Variants in ANXA1 observed in about 807,000 individuals in gnomAD.
ANXA1 encodes annexin I (lipocortin I).
In ANXA1, 39 loss-of-function variants were observed where a neutral mutation model predicts 47.9. That is an observed-to-expected ratio of 0.81 (90% CI 0.63 to 1.06). The LOEUF is 1.06. Ranked by LOEUF, ANXA1 falls within the 50% of genes least tolerant of loss-of-function variation. The probability of loss-of-function intolerance (pLI) is 0.00; values close to 1 mark genes in which losing one functional copy is unlikely to be tolerated. For missense variants in ANXA1, 446 were observed against 422.7 expected, an observed-to-expected ratio of 1.06 and a Z score of -0.48; for synonymous variants, 146 against 142.5, an observed-to-expected ratio of 1.02 and a Z score of -0.17.
In ANXA1 at chr9:73,168,941, G is replaced by A. The variant is rs530479881; in HGVS notation, c.862-91G>A. On this transcript the variant is annotated intron_variant, in intron 11 of 12. Transcript: ENST00000257497. ...GCTAGTTTCTCTATAGAAATTATAT[G>A]GAAGAGTAAGAAGGCTTCACTTTAA... 3.5e-6 allele frequency: 4 copies of A among 1,128,840 alleles called. No individual in the cohort carries two copies. In the East Asian group the frequency reaches 8.3e-5, roughly 23 times the overall value. The allele number at this position is 1,128,840 out of a possible 1,614,324, so 69.9% of individuals were successfully genotyped here.
At chr9:73,155,202 A>T (rs1269790280) in intron 1 of ANXA1, among the ~76,000 whole-genome samples, 4 of 152,234 alleles carry the variant, frequency 2.6e-5, no homozygotes, top group Non-Finnish European at 5.9e-5. Context: ...AGATTTGCCT[A>T]TGTATAAATG....
In ANXA1 at chr9:73,156,440, C is replaced by T. The variant is rs183947536; in HGVS notation, c.-14-2082C>T. On this transcript the variant is annotated intron_variant, in intron 1 of 12. Coordinates refer to ENST00000257497, the MANE Select transcript of ANXA1 (RefSeq NM_000700.3). ...GGAACTAAAACCTTGTGCAAAATTG[C>T]GGGTTGTTACTTTATCAGGAAGCAA... 1.3e-3 allele frequency among the ~76,000 whole-genome samples: 197 copies of T among 152,090 alleles called. 1 individual carries two copies. Among genetic ancestry groups the T allele is most frequent in the African/African-American group, 4.6e-3 (189 of 41,502 alleles).
At position 73,166,091 on chromosome 9, in the gene ANXA1, A is replaced by G; in HGVS notation, c.707-6A>G. On this transcript the variant is annotated splice_polypyrimidine_tract_variant and splice_region_variant and intron_variant, in intron 9 of 12. Transcript: ENST00000257497. ...GCATGTATCTTAGTTTGAATTTAAT[A>G]TTCAGTGTTTCAGAAATACACCAAG... The G allele has an allele frequency of 6.3e-7, 1 of 1,594,438 alleles. No individual in the cohort carries two copies. The highest frequency in any genetic ancestry group is 8.6e-7 in the Non-Finnish European group (1 of 1,169,456).
chr9:73,164,175 G>A (rs1228947408), intron 8 of ANXA1, among the ~76,000 whole-genome samples: 1 of 152,046 alleles, frequency 6.6e-6, no homozygotes, highest in Non-Finnish European at 1.5e-5. Context: ...GTATTCTCTA[G>A]AGAATTCATT....
At chr9:73,163,590 A>G in intron 8 of ANXA1, 58 bp downstream of exon 8, 1 of 1,561,200 alleles carries the variant, frequency 6.4e-7, no homozygotes, top group South Asian at 1.1e-5. Context: ...AAGTGGGGCT[A>G]CCACATGATC....
At chr9:73,157,231 T>G (rs1172149030) in intron 1 of ANXA1, among the ~76,000 whole-genome samples, 2 of 152,200 alleles carry the variant, frequency 1.3e-5, no homozygotes, top group Non-Finnish European at 2.9e-5. Flanking sequence ...TGCTGAGTAC[T>G]TTTATATCAA....
At chr9:73,160,207 T>C in intron 4 of ANXA1, 56 bp from the exon 5 acceptor site, 1 of 1,305,240 alleles carries the variant, frequency 7.7e-7, no homozygotes, top group Non-Finnish European at 1.1e-6. Flanking sequence ...ATATCACATT[T>C]TTTAACCTAG....
At chr9:73,167,812 G>A (rs1337196985) in intron 11 of ANXA1, 5 of 389,742 alleles carry the variant, frequency 1.3e-5, no homozygotes, top group Non-Finnish European at 2.3e-5. Flanking sequence ...CTTAAAACAT[G>A]TGTCACCACG....
intron 9 of ANXA1, chr9:73,165,678 G>A (rs956675901): frequency 1.2e-5 from 2 of 166,104 alleles, no homozygotes; most frequent in East Asian, 1.8e-4. Flanking sequence ...AAGTGAAGGC[G>A]ATGGAAAAGT....
At chr9:73,161,703 A>C (rs1824145775) in intron 6 of ANXA1, among the ~76,000 whole-genome samples, 4 of 152,172 alleles carry the variant, frequency 2.6e-5, no homozygotes, top group Admixed American at 2.6e-4. Flanking sequence ...GAAGCTTTTA[A>C]ACCTCATTTT....
At chr9:73,152,033 A>G (rs1293153616) in intron 1 of ANXA1, 109 bp downstream of exon 1, 1 of 152,234 alleles carries the variant, frequency 6.6e-6, no homozygotes, top group Non-Finnish European at 1.5e-5. Flanking sequence ...TGCATTTAAC[A>G]TGATAAGTCA....
At chr9:73,168,906 TG>T in intron 11 of ANXA1, 125 bp from the exon 12 acceptor site, 1 of 712,602 alleles carries the variant, frequency 1.4e-6, no homozygotes. Context: ...TGTGTGTGTG[TG>T]TGTGTATAGC....
chr9:73,158,700 T>TG lies in ANXA1; in HGVS notation c.73dup (p.Val25GlyfsTer29). 1 of 1,613,862 alleles carries TG rather than the reference T, an allele frequency of 6.2e-7. No homozygotes were observed. Among genetic ancestry groups the TG allele is most frequent in the Non-Finnish European group, 8.5e-7 (1 of 1,179,826 alleles). ...TATTTCTCTCTCATTCTTAGCAAAC[T>TG]GTGAAGTCATCCAAAGGTGGTCCCG... On this transcript the variant is annotated frameshift_variant, in exon 3 of 13. Coordinates refer to ENST00000257497, the MANE Select transcript of ANXA1 (RefSeq NM_000700.3). LOFTEE classifies it high-confidence loss of function.
At chr9:73,157,865 A>G (rs892535626) in intron 1 of ANXA1, 3 of 152,164 alleles carry the variant, frequency 2.0e-5, no homozygotes, top group African/African-American at 7.2e-5. Context: ...AAAAAAACAA[A>G]CAAACAAAAA....
intron 1 of ANXA1, 54 bp from the exon 2 acceptor site, chr9:73,158,468 A>G: frequency 7.5e-7 from 1 of 1,338,302 alleles, no homozygotes; most frequent in Non-Finnish European, 1.1e-6. Flanking sequence ...GAGGAAGGAG[A>G]GGTTGTGTGT....
In ANXA1 at chr9:73,170,182, A is replaced by G; in HGVS notation, c.*75A>G. The stretch of plus-strand genomic sequence containing the variant: ...TTTTCATCCTATAAGCTTAAATAGG[A>G]AAGTTTCTTCAACAGGATTACAGTG... On this transcript the variant is annotated 3_prime_UTR_variant, in exon 13 of 13. Coordinates refer to ENST00000257497, the MANE Select transcript of ANXA1 (RefSeq NM_000700.3). The G allele has an allele frequency of 7.5e-7, 1 of 1,329,384 alleles. No homozygotes were observed. Among genetic ancestry groups the G allele is most frequent in the Non-Finnish European group, 1.0e-6 (1 of 963,458 alleles). 82.3% of individuals were successfully genotyped at this position (1,329,384 alleles called of 1,614,324 possible).
In ANXA1 at chr9:73,160,921, C is replaced by A. The variant is rs200143610; in HGVS notation, c.475+28C>A. On this transcript the variant is annotated intron_variant, in intron 6 of 12. Coordinates refer to ENST00000257497, the MANE Select transcript of ANXA1 (RefSeq NM_000700.3). ...AAGTTGTAATGTCCAACAGTCCAAACGCCTTATTTGAAAAGGAAATCTAAT... is the reference window on the plus strand; with the variant it reads ...AAGTTGTAATGTCCAACAGTCCAAAAGCCTTATTTGAAAAGGAAATCTAAT... 4 of 1,444,278 alleles carry A rather than the reference C, an allele frequency of 2.8e-6. No individual in the cohort carries two copies. In the African/African-American group the frequency reaches 4.2e-5, roughly 15 times the overall value. 89.5% of individuals were successfully genotyped at this position (1,444,278 alleles called of 1,614,324 possible).
Position 73,161,881 on chromosome 9 carries a change from A to G in ANXA1, c.476-901A>G, listed in dbSNP as rs1292042158. On this transcript the variant is annotated intron_variant, in intron 6 of 12. Transcript: ENST00000257497. ...ATAGTTTATTACATTGCCCAGTTTC[A>G]AGTTGTTTTAGTCCGTTTGTGTTGC... 2.6e-5 allele frequency among the ~76,000 whole-genome samples: 4 copies of G among 152,146 alleles called. No homozygotes were observed. The East Asian group carries it at 7.7e-4, about 29-fold the overall frequency.
chr9:73,157,748 G>C (rs1824072198), intron 1 of ANXA1: 1 of 149,838 alleles, frequency 6.7e-6, no homozygotes, highest in Non-Finnish European at 1.5e-5. Flanking sequence ...ATGGTCTAAT[G>C]GTCTACTAAA....
Sources: allele counts gnomAD v4.1 joint callset (sites outside exome capture counted in the v4.1 genomes callset), GRCh38; gene constraint gnomAD v4.1.1; transcripts MANE v1.5; gene names NCBI Gene and HGNC (gene_info 2026-07-23, HGNC 2026-07-21).